Variants in METTL2B observed in about 807,000 individuals in gnomAD.
METTL2B encodes the protein tRNA N(3)-cytidine methyltransferase METTL2B.
Under a neutral mutation model 51.0 loss-of-function variants are expected in METTL2B, and 28 were observed. That is an observed-to-expected ratio of 0.55 (90% confidence interval 0.41 to 0.75). The LOEUF (loss-of-function observed/expected upper bound fraction) is 0.75. Among genes scored for constraint, METTL2B ranks in the 30% least tolerant of loss-of-function variants. METTL2B has a pLI of 0.00. For missense variants in METTL2B, 313 were observed against 460.7 expected (o/e 0.68, Z 2.93); for synonymous variants, 128 against 166.3 (o/e 0.77, Z 1.77).
At chr7:128,497,200 C>T (rs1792940059) in intron 6 of METTL2B, among the ~76,000 whole-genome samples, 1 of 152,114 alleles carries the variant, frequency 6.6e-6, no homozygotes, top group Non-Finnish European at 1.5e-5. Context: ...ATATGGAAAG[C>T]GCAGACCTAA....
chr7:128,495,103 A>G (rs1792901109), intron 6 of METTL2B, among the ~76,000 whole-genome samples: 1 of 147,134 alleles, frequency 6.8e-6, no homozygotes, highest in African/African-American at 2.5e-5. Flanking sequence ...TTTTTTTTTT[A>G]GTGGAGATGG....
chr7:128,484,340 T>C (rs1297424552), intron 4 of METTL2B, among the ~76,000 whole-genome samples: 1 of 146,240 alleles, frequency 6.8e-6, no homozygotes, highest in Non-Finnish European at 1.5e-5. Context: ...TCCTCCCACC[T>C]CAGCCTCCCA....
In METTL2B at chr7:128,479,045, C is replaced by T. The variant is rs1799839886; in HGVS notation, c.203-113C>T. ...TTCAGTTCTGGGACTGTGGCTCTAC[C>T]TGAGGATAATTTTAGTATTAAAGTG... On this transcript the variant is annotated intron_variant, in intron 2 of 8. Coordinates refer to ENST00000262432, the MANE Select transcript of METTL2B (RefSeq NM_018396.3). 5 of 1,163,326 alleles carry T rather than the reference C, an allele frequency of 4.3e-6. No homozygotes were observed. The South Asian group carries it at 6.6e-5, about 15-fold the overall frequency. The allele number at this position is 1,163,326 out of a possible 1,614,324, so 72.1% of individuals were successfully genotyped here.
intron 4 of METTL2B, chr7:128,483,335 G>A (rs1163972295): frequency 1.3e-5 from 2 of 152,240 alleles, no homozygotes; most frequent in Non-Finnish European, 2.9e-5. Context: ...TTAAATTGTT[G>A]GGCATAGTTT....
In METTL2B at chr7:128,479,386, C is replaced by T; in HGVS notation, c.431C>T (p.Ser144Phe). The T allele has an allele frequency of 6.2e-7, 1 of 1,614,262 alleles. No homozygotes were observed. The highest frequency in any genetic ancestry group is 1.1e-5 in the South Asian group (1 of 91,088). The change falls in exon 3 of 9, where the codon TCT becomes TTT. Residue 144 changes from serine to phenylalanine, a missense_variant. Around this residue, in one of 4 missense-constraint regions of METTL2B, gnomAD observed 42 missense variants for 113.4 expected, o/e 0.37. Transcript: ENST00000262432. ...ATAATGGAAGAACAGCACAAGTGTT[C>T]TTCGAAGAGCCTTGAACATAAAACA... ...GLIMEEQHKC[S>F]SKSLEHKTQT...
chr7:128,498,389 T>G (rs1455674210), intron 7 of METTL2B, among the ~76,000 whole-genome samples: 1 of 151,816 alleles, frequency 6.6e-6, no homozygotes, highest in Non-Finnish European at 1.5e-5. Flanking sequence ...AAATACCTAA[T>G]GTAGATGACG....
intron 4 of METTL2B, chr7:128,484,291 A>T (rs2116847664): frequency 8.3e-6 from 1 of 120,810 alleles, no homozygotes; most frequent in East Asian, 2.4e-4. Flanking sequence ...TGGTGCCATC[A>T]CAGCTCACTG....
intron 4 of METTL2B, among the ~76,000 whole-genome samples, chr7:128,484,758 A>C (rs1167250978): frequency 6.6e-6 from 1 of 151,918 alleles, no homozygotes. Context: ...ACACCCAGCT[A>C]ATTTTTGTAT....
intron 4 of METTL2B, among the ~76,000 whole-genome samples, chr7:128,485,933 C>T (rs191432301): frequency 8.2e-4 from 125 of 152,190 alleles, no homozygotes; most frequent in African/African-American, 2.3e-3. Flanking sequence ...ATGCTACACC[C>T]GACACCATTG....
Position 128,501,974 on chromosome 7 carries a change from A to C in METTL2B, c.*58A>C. 1 of 1,603,902 alleles carries C rather than the reference A, an allele frequency of 6.2e-7. No individual in the cohort carries two copies. On this transcript the variant is annotated 3_prime_UTR_variant, in exon 9 of 9. Coordinates refer to ENST00000262432, the MANE Select transcript of METTL2B (RefSeq NM_018396.3). ...TTGTGTTTCCGAGCTTTTTTAAAAA[A>C]AAATTTGTAGCACCGGGCATGGTGC...
chr7:128,493,550 C>T (rs1203369597), intron 5 of METTL2B, among the ~76,000 whole-genome samples: 1 of 152,104 alleles, frequency 6.6e-6, no homozygotes. Flanking sequence ...TACTTTTTCA[C>T]CAATCTATAT....
chr7:128,479,068 G>A (rs4731458), intron 2 of METTL2B, 90 bp from the exon 3 acceptor site: 92,839 of 1,329,524 alleles, frequency 0.07, 5,545 homozygotes, highest in East Asian at 0.3. Context: ...TAGTATTAAA[G>A]TGACATTTGG....
chr7:128,489,613 G>A (rs1000220334), intron 5 of METTL2B, among the ~76,000 whole-genome samples: 1 of 149,590 alleles, frequency 6.7e-6, no homozygotes, highest in East Asian at 2.0e-4. Flanking sequence ...CTAAGGGCTG[G>A]GGTGACTGGC....
intron 5 of METTL2B, among the ~76,000 whole-genome samples, chr7:128,493,537 A>G (rs182825131): frequency 4.3e-4 from 66 of 152,218 alleles, no homozygotes; most frequent in African/African-American, 1.5e-3. Context: ...CAAAAACCAC[A>G]ATTACTTTTT....
chr7:128,492,620 TTTG>T (rs1398750097), intron 5 of METTL2B, among the ~76,000 whole-genome samples: 3 of 151,330 alleles, frequency 2.0e-5, no homozygotes. Flanking sequence ...TGTTTGTTTG[TTTG>T]TTTTTGTTTT....
Position 128,476,758 on chromosome 7 carries a change from C to G in METTL2B, c.-8C>G. On this transcript the variant is annotated 5_prime_UTR_variant, in exon 1 of 9. Transcript: ENST00000262432. ...TACGGAAAGTGAAGTGTTTCCGGCT[C>G]CGGTGTCATGGCCGGCTCCTACCCT... 1 of 1,613,556 alleles carries G rather than the reference C, an allele frequency of 6.2e-7. No homozygotes were observed. The highest frequency in any genetic ancestry group is 8.5e-7 in the Non-Finnish European group (1 of 1,179,724).
chr7:128,478,636 G>T (rs1182003667), intron 2 of METTL2B, among the ~76,000 whole-genome samples: 1 of 123,344 alleles, frequency 8.1e-6, no homozygotes, highest in African/African-American at 3.1e-5. Flanking sequence ...AGGCTGAGGC[G>T]GGTGGATCAC....
rs1799811942 is a variant in METTL2B, at chr7:128,477,140, A to G, written c.169A>G (p.Asn57Asp). 2.5e-6 allele frequency: 4 copies of G among 1,613,954 alleles called. No homozygotes were observed. The highest frequency in any genetic ancestry group is 1.1e-5 in the South Asian group (1 of 91,060). The stretch of plus-strand genomic sequence containing the variant: ...GGCGGCGGAGAGAAAAGTCCAGGAG[A>G]ACAGTATCCAGCGGGTGTGCCAGGA... ...AAAAERKVQE[N>D]SIQRVCQEKQ... Residue 57 changes from asparagine to aspartate, a missense_variant, in exon 2 of 9, where the codon AAC becomes GAC. Physicochemically the swap from Asn to Asp is conservative, Grantham distance 23. Coordinates refer to ENST00000262432, the MANE Select transcript of METTL2B (RefSeq NM_018396.3).
intron 7 of METTL2B, among the ~76,000 whole-genome samples, chr7:128,498,912 G>A (rs186367709): frequency 0.01 from 1,573 of 151,512 alleles, 11 homozygotes; most frequent in South Asian, 0.027. Context: ...CAGGAGAATC[G>A]CTTGAACCCA....
Sources: gnomAD v4.1 joint callset for allele counts (sites outside exome capture counted in the v4.1 genomes callset) on GRCh38, gnomAD v4.1.1 for gene constraint, gnomAD v4.1.1 regional missense constraint, MANE v1.5 for transcripts, NCBI Gene and HGNC (gene_info 2026-07-23, HGNC 2026-07-21) for gene names.